BMP5: variants seen among roughly 807,000 people sequenced by gnomAD.
BMP5 encodes bone morphogenetic protein 5.
A neutral mutation model predicts 46.6 loss-of-function variants in BMP5; 23 were observed. The observed-to-expected ratio is 0.49, with a 90% CI of 0.35 to 0.70. The LOEUF is 0.70. BMP5 is among the 30% of genes least tolerant of loss of function. The pLI is 0.00. For synonymous variants in BMP5, 204 were observed against 191.9 expected (o/e 1.06, Z -0.52); for missense variants, 545 against 565.6 (o/e 0.96, Z 0.37).
intron 1 of BMP5, 24 bp from the exon 2 acceptor site, chr6:55,819,871 G>A (rs998841386): frequency 1.8e-5 from 28 of 1,583,282 alleles, no homozygotes; most frequent in Non-Finnish European, 2.3e-5. Context: ...GGGGGTTGAG[G>A]GGGAAAAAAG....
At chr6:55,827,644 A>T (rs1382107714) in intron 1 of BMP5, among the ~76,000 whole-genome samples, 1 of 151,800 alleles carries the variant, frequency 6.6e-6, no homozygotes, top group African/African-American at 2.4e-5. Flanking sequence ...TATTGTTTTT[A>T]TTATGAGCAT....
At chr6:55,794,909 T>C (rs1775668628) in intron 2 of BMP5, among the ~76,000 whole-genome samples, 1 of 152,046 alleles carries the variant, frequency 6.6e-6, no homozygotes, top group Admixed American at 6.5e-5. Context: ...TTTTATTATA[T>C]AATTATTTTA....
chr6:55,835,348 G>C (rs2127543475), intron 1 of BMP5, among the ~76,000 whole-genome samples: 1 of 152,166 alleles, frequency 6.6e-6, no homozygotes, highest in Admixed American at 6.6e-5. Context: ...ACATGGGTGG[G>C]GCAAAACTTC....
chr6:55,854,217 G>T (rs1006977927), intron 1 of BMP5, among the ~76,000 whole-genome samples: 7 of 152,036 alleles, frequency 4.6e-5, no homozygotes, highest in African/African-American at 1.7e-4. Context: ...TATAAATTAT[G>T]ATTTTATCAA....
intron 1 of BMP5, among the ~76,000 whole-genome samples, chr6:55,837,056 T>A (rs574990109): frequency 6.6e-6 from 1 of 151,574 alleles, no homozygotes; most frequent in East Asian, 1.9e-4. Flanking sequence ...AAGTAACTTT[T>A]TTTTTTTTTT....
In BMP5 at chr6:55,755,491, CCTT is replaced by C; in HGVS notation, c.*39_*41del. 1 of 1,571,522 alleles carries C rather than the reference CCTT, an allele frequency of 6.4e-7. No individual in the cohort carries two copies. The highest frequency in any genetic ancestry group is 1.1e-5 in the South Asian group (1 of 89,126). On this transcript the variant is annotated 3_prime_UTR_variant, in exon 7 of 7. Transcript: ENST00000370830. ...GTATGCTTTTTATTGCAGCCATAAA[CCTT>C]AATACAGATCTTTTTGTTATTATCA...
chr6:55,805,688 G>A (rs1352969682), intron 2 of BMP5, among the ~76,000 whole-genome samples: 7 of 152,150 alleles, frequency 4.6e-5, no homozygotes, highest in East Asian at 1.9e-4. Context: ...CACCAACAGT[G>A]TAAAAGCATT....
Position 55,874,923 on chromosome 6 carries a change from A to AG in BMP5, c.-59_-58insC. On this transcript the variant is annotated 5_prime_UTR_variant, in exon 1 of 7. Transcript: ENST00000370830. Reference sequence around the variant, plus strand: ...TCCTTCTTGTCCTCTTAAAAAAAAAAAAAACCTAAGGTTCTAGGAGGTACA... The same window carrying AG: ...TCCTTCTTGTCCTCTTAAAAAAAAAAGAAAACCTAAGGTTCTAGGAGGTACA... 6.3e-7 allele frequency: 1 copy of AG among 1,579,004 alleles called. No homozygotes were observed. The highest frequency in any genetic ancestry group is 2.2e-5 in the East Asian group (1 of 44,692).
intron 1 of BMP5, among the ~76,000 whole-genome samples, chr6:55,837,335 T>TTAGATAGATAGA (rs34459081): frequency 0.013 from 1,570 of 123,994 alleles, 13 homozygotes; most frequent in East Asian, 0.024. Context: ...TAAAACTAAT[T>TTAGATAGATAGA]TAGATAGATA....
intron 2 of BMP5, among the ~76,000 whole-genome samples, chr6:55,804,578 G>A (rs946383914): frequency 1.3e-5 from 2 of 152,066 alleles, no homozygotes; most frequent in Non-Finnish European, 2.9e-5. Flanking sequence ...ATTAAATAGG[G>A]AATGATCAAC....
intron 2 of BMP5, among the ~76,000 whole-genome samples, chr6:55,816,589 A>G (rs1776275804): frequency 6.6e-6 from 1 of 152,144 alleles, no homozygotes; most frequent in Non-Finnish European, 1.5e-5. Context: ...CTGCAGACAA[A>G]TAGGTAGTCA....
intron 5 of BMP5, 57 bp from the exon 6 acceptor site, chr6:55,759,172 A>AAAAAAAAAAAAAAAAAAC (rs1562023483): frequency 1.6e-5 from 12 of 738,844 alleles, no homozygotes; most frequent in South Asian, 4.2e-5. Flanking sequence ...AAAAAAAAAA[A>AAAAAAAAAAAAAAAAAAC]AAAAAAAAAA....
intron 1 of BMP5, among the ~76,000 whole-genome samples, chr6:55,854,623 T>A (rs1041459028): frequency 1.3e-5 from 2 of 152,114 alleles, no homozygotes; most frequent in Non-Finnish European, 2.9e-5. Flanking sequence ...AGGAGCAAGG[T>A]ATTGAAATGA....
chr6:55,844,949 CA>C lies in BMP5; in HGVS notation c.491-25103del, dbSNP rs1321319019. Among the ~76,000 whole-genome samples the C allele has an allele frequency of 2.4e-4, 37 of 151,940 alleles. 1 individual carries two copies. The Middle Eastern group carries it at 0.014, about 57-fold the overall frequency. On this transcript the variant is annotated intron_variant, in intron 1 of 6. Transcript: ENST00000370830. ...ATTCATTTTAAGTTCATTTCAAAAA[CA>C]AAAAGACAACTTGTTTATATCATAT...
At chr6:55,816,979 C>G (rs1776286602) in intron 2 of BMP5, among the ~76,000 whole-genome samples, 1 of 152,038 alleles carries the variant, frequency 6.6e-6, no homozygotes, top group East Asian at 1.9e-4. Context: ...ATTTATGCAG[C>G]CAACAGACAC....
chr6:55,817,569 G>A (rs573326617), intron 2 of BMP5, among the ~76,000 whole-genome samples: 8 of 152,008 alleles, frequency 5.3e-5, no homozygotes. Flanking sequence ...ATGGACACAG[G>A]AAGGGGAACA....
chr6:55,803,272 T>C (rs1299756965), intron 2 of BMP5, among the ~76,000 whole-genome samples: 1 of 151,572 alleles, frequency 6.6e-6, no homozygotes, highest in African/African-American at 2.4e-5. Context: ...CTCCAGCCTA[T>C]GTGACAAGAG....
intron 2 of BMP5, among the ~76,000 whole-genome samples, chr6:55,794,831 G>A (rs1775667202): frequency 6.6e-6 from 1 of 152,118 alleles, no homozygotes; most frequent in African/African-American, 2.4e-5. Context: ...ATTCTCAAAT[G>A]AATGGAACAC....
At chr6:55,773,080 A>T (rs1280170936) in intron 4 of BMP5, among the ~76,000 whole-genome samples, 1 of 151,934 alleles carries the variant, frequency 6.6e-6, no homozygotes, top group African/African-American at 2.4e-5. Flanking sequence ...TAGAATTTCA[A>T]TTTGGTAAAA....
Sources: gnomAD v4.1 joint callset for allele counts (sites outside exome capture counted in the v4.1 genomes callset) on GRCh38, gnomAD v4.1.1 for gene constraint, MANE v1.5 for transcripts, NCBI Gene and HGNC (gene_info 2026-07-23, HGNC 2026-07-21) for gene names.